The following HS6ST3 variants were observed in gnomAD, a reference collection of about 807,000 sequenced individuals.
HS6ST3 encodes the protein heparan-sulfate 6-O-sulfotransferase 3.
HS6ST3 carries 12 observed loss-of-function variants against 36.7 expected under a neutral mutation model. The ratio of observed to expected loss-of-function variants is 0.33; its 90% CI spans 0.21 to 0.53. HS6ST3 has a LOEUF of 0.53. Ranked by LOEUF, HS6ST3 falls within the 20% of genes least tolerant of loss-of-function variation. The probability of loss-of-function intolerance (pLI) is 0.95; values close to 1 mark genes in which losing one functional copy is unlikely to be tolerated. For missense variants in HS6ST3, 584 were observed against 640.9 expected, an observed-to-expected ratio of 0.91 and a Z score of 0.96; for synonymous variants, 240 against 257.5, an observed-to-expected ratio of 0.93 and a Z score of 0.65.
chr13:96,601,213 C>A (rs1182304419), intron 1 of HS6ST3, among the ~76,000 whole-genome samples: 1 of 152,124 alleles, frequency 6.6e-6, no homozygotes, highest in Non-Finnish European at 1.5e-5. Context: ...ATCTAAATCT[C>A]TAGCAAGCCC....
chr13:96,093,886 A>G (rs1391035885), intron 1 of HS6ST3, among the ~76,000 whole-genome samples: 5 of 152,190 alleles, frequency 3.3e-5, no homozygotes, highest in Non-Finnish European at 4.4e-5. Flanking sequence ...CCTTTTCACA[A>G]TGCAAAATGG....
rs188303939 is a variant in HS6ST3 at position 96,534,521 on chromosome 13, A to G, written c.708-297969A>G. On this transcript the variant is annotated intron_variant, in intron 1 of 1. Transcript: ENST00000376705. ...TAATACTAATTGGCACAGGGCCTCCATACGTGAAGAATCAACATATGTTAG... is the reference window on the plus strand; with the variant it reads ...TAATACTAATTGGCACAGGGCCTCCGTACGTGAAGAATCAACATATGTTAG... Among the ~76,000 whole-genome samples the G allele has an allele frequency of 2.6e-5, 4 of 152,334 alleles. No individual in the cohort carries two copies. The East Asian group carries it at 7.7e-4, about 29-fold the overall frequency.
intron 1 of HS6ST3, among the ~76,000 whole-genome samples, chr13:96,710,404 C>T (rs1875532244): frequency 6.6e-6 from 1 of 152,214 alleles, no homozygotes; most frequent in Non-Finnish European, 1.5e-5. Flanking sequence ...GCTTCCTGAG[C>T]ACAGACCATC....
At chr13:96,287,291 T>A (rs1230044894) in intron 1 of HS6ST3, among the ~76,000 whole-genome samples, 1 of 152,214 alleles carries the variant, frequency 6.6e-6, no homozygotes, top group Non-Finnish European at 1.5e-5. Context: ...TAACTCTGAT[T>A]TACTTCAAGG....
intron 1 of HS6ST3, among the ~76,000 whole-genome samples, chr13:96,357,957 CAT>C (rs1359950985): frequency 2.6e-5 from 4 of 152,122 alleles, no homozygotes; most frequent in East Asian, 1.9e-4. Context: ...GAATTTCTAA[CAT>C]GTGACACAGA....
intron 1 of HS6ST3, among the ~76,000 whole-genome samples, chr13:96,434,645 C>A (rs1360938664): frequency 6.6e-6 from 1 of 152,106 alleles, no homozygotes; most frequent in Non-Finnish European, 1.5e-5. Context: ...ACCTCACAAG[C>A]TCTGCCAAGA....
intron 1 of HS6ST3, among the ~76,000 whole-genome samples, chr13:96,789,439 A>G (rs1348734906): frequency 7.2e-5 from 11 of 151,828 alleles, no homozygotes; most frequent in Admixed American, 7.2e-4. Flanking sequence ...TGATGGCTCA[A>G]TCGTTCATAT....
intron 1 of HS6ST3, among the ~76,000 whole-genome samples, chr13:96,181,406 A>G (rs1381813975): frequency 6.6e-6 from 1 of 152,212 alleles, no homozygotes; most frequent in Non-Finnish European, 1.5e-5. Flanking sequence ...TAAAATGTCA[A>G]ATGCATTTAT....
At chr13:96,707,349 T>C (rs1470092074) in intron 1 of HS6ST3, among the ~76,000 whole-genome samples, 2 of 152,152 alleles carry the variant, frequency 1.3e-5, no homozygotes, top group African/African-American at 4.8e-5. Flanking sequence ...CACCCTGATC[T>C]CAGACTTGTA....
At chr13:96,551,527 G>C (rs1467876479) in intron 1 of HS6ST3, among the ~76,000 whole-genome samples, 1 of 152,114 alleles carries the variant, frequency 6.6e-6, no homozygotes, top group Non-Finnish European at 1.5e-5. Flanking sequence ...CTTACTCTTG[G>C]GGGGTAGGTG....
chr13:96,560,616 A>G (rs2056258442), intron 1 of HS6ST3, among the ~76,000 whole-genome samples: 1 of 152,192 alleles, frequency 6.6e-6, no homozygotes, highest in African/African-American at 2.4e-5. Flanking sequence ...GATTCTATAC[A>G]TAGAAAATCC....
chr13:96,758,086 T>A (rs934482605), intron 1 of HS6ST3, among the ~76,000 whole-genome samples: 2 of 151,984 alleles, frequency 1.3e-5, no homozygotes, highest in African/African-American at 4.8e-5. Flanking sequence ...TATGGAGATG[T>A]TTTTTATTAT....
At chr13:96,578,419 TGAC>T (rs2056329536) in intron 1 of HS6ST3, among the ~76,000 whole-genome samples, 1 of 152,170 alleles carries the variant, frequency 6.6e-6, no homozygotes, top group Non-Finnish European at 1.5e-5. Flanking sequence ...TCCACACACT[TGAC>T]GAAGGCACTG....
chr13:96,744,835 A>G (rs1222893277), intron 1 of HS6ST3, among the ~76,000 whole-genome samples: 4 of 152,070 alleles, frequency 2.6e-5, no homozygotes, highest in African/African-American at 7.2e-5. Context: ...TAAAATGGGC[A>G]AAGAGCCCAT....
chr13:96,150,018 T>C (rs2054077426), intron 1 of HS6ST3, among the ~76,000 whole-genome samples: 1 of 152,206 alleles, frequency 6.6e-6, no homozygotes, highest in Non-Finnish European at 1.5e-5. Flanking sequence ...TTCTGCCACC[T>C]GCAGCTTGGC....
At chr13:96,354,678 A>G (rs762510006) in intron 1 of HS6ST3, among the ~76,000 whole-genome samples, 5 of 152,172 alleles carry the variant, frequency 3.3e-5, no homozygotes, top group Non-Finnish European at 7.4e-5. Flanking sequence ...TGTAAATTGC[A>G]TAGAGGTGAC....
chr13:96,444,221 C>G (rs2055687418), intron 1 of HS6ST3, among the ~76,000 whole-genome samples: 1 of 152,092 alleles, frequency 6.6e-6, no homozygotes, highest in African/African-American at 2.4e-5. Flanking sequence ...AAGAAATTCT[C>G]AAATGTGGCA....
At chr13:96,679,238 G>T (rs1405351988) in intron 1 of HS6ST3, among the ~76,000 whole-genome samples, 3 of 151,366 alleles carry the variant, frequency 2.0e-5, no homozygotes, top group Non-Finnish European at 4.4e-5. Flanking sequence ...AGCATCAGTA[G>T]CATTTATAGA....
chr13:96,674,759 C>A (rs1274306888), intron 1 of HS6ST3, among the ~76,000 whole-genome samples: 4 of 152,148 alleles, frequency 2.6e-5, no homozygotes, highest in Non-Finnish European at 4.4e-5. Flanking sequence ...CCACTGCTCA[C>A]TTCTTCATCT....
Sources: allele counts gnomAD v4.1 joint callset (sites outside exome capture counted in the v4.1 genomes callset), GRCh38; gene constraint gnomAD v4.1.1; transcripts MANE v1.5; gene names NCBI Gene and HGNC (gene_info 2026-07-23, HGNC 2026-07-21).